IGSF1: variants seen among roughly 807,000 people sequenced by gnomAD.
The protein encoded by IGSF1 is immunoglobulin-like domain-containing protein 1.
A neutral mutation model predicts 95.3 loss-of-function variants in IGSF1; 40 were observed. The observed-to-expected ratio is 0.42, with a 90% CI of 0.33 to 0.55. The LOEUF (loss-of-function observed/expected upper bound fraction) is 0.55. Among genes scored for constraint, IGSF1 ranks in the 20% least tolerant of loss-of-function variants. The pLI is 0.10. For missense variants in IGSF1, 906 were observed against 1,025.4 expected, an observed-to-expected ratio of 0.88 and a Z score of 1.59; for synonymous variants, 372 against 382.9, an observed-to-expected ratio of 0.97 and a Z score of 0.33.
rs145132607 is a variant in IGSF1, at chrX:131,274,163, A to G, written c.3795T>C (p.Ser1265=). The G allele has an allele frequency of 3.7e-5, 45 of 1,209,601 alleles. No homozygotes were observed. The African/African-American group carries it at 5.4e-4, about 15-fold the overall frequency. ...CTACAACAACCACCACGATTAGGCT[A>G]CTTCGGACAATGTTCCCTACAGTGC... is the stretch of plus-strand genomic sequence containing the variant. ...QECTVGNIVR[S]SLIVVVVVAL... Residue 1265 remains serine, a synonymous_variant, in exon 19 of 20, where the codon AGT becomes AGC. Coordinates refer to ENST00000361420, the MANE Select transcript of IGSF1 (RefSeq NM_001555.5).
intron 9 of IGSF1, chrX:131,280,987 T>C: frequency 2.8e-6 from 1 of 360,433 alleles, no homozygotes; most frequent in Non-Finnish European, 5.0e-6. Context: ...GTGAATGCAG[T>C]TCTGATTACT....
intron 1 of IGSF1, among the ~76,000 whole-genome samples, chrX:131,287,983 G>A (rs1197267353): frequency 1.8e-5 from 2 of 111,857 alleles, no homozygotes; most frequent in Non-Finnish European, 3.8e-5. Context: ...GACTGACCTT[G>A]GACCTCAGCC....
chrX:131,279,258 C>A lies in IGSF1; in HGVS notation c.1717+13G>T, dbSNP rs201678332. On this transcript the variant is annotated intron_variant, in intron 10 of 19. Coordinates refer to ENST00000361420, the MANE Select transcript of IGSF1 (RefSeq NM_001555.5). ...GCCTTCTGCCCGGGGCCCCTTCCCC[C>A]ACTTGTACTCACCACAGCAGAGAAG... 17 of 1,208,379 alleles carry A rather than the reference C, an allele frequency of 1.4e-5. No homozygotes were observed. The highest frequency in any genetic ancestry group is 1.8e-5 in the Non-Finnish European group (16 of 893,900).
At chrX:131,276,862 CT>C in intron 14 of IGSF1, 76 bp downstream of exon 14, 1 of 996,208 alleles carries the variant, frequency 1.0e-6, no homozygotes, top group African/African-American at 1.9e-5. Context: ...AGAAACATTT[CT>C]TCCTCTCCCA....
At chrX:131,274,238 A>T in intron 18 of IGSF1, 32 bp from the exon 19 acceptor site, 1 of 1,209,077 alleles carries the variant, frequency 8.3e-7, no homozygotes, top group Middle Eastern at 2.3e-4. Flanking sequence ...AACCGAGGCC[A>T]TGGAGATTAG....
chrX:131,289,199 T>G lies in IGSF1; in HGVS notation c.-68+15A>C, dbSNP rs1165311507. 1 of 375,195 alleles carries G rather than the reference T, an allele frequency of 2.7e-6. No individual in the cohort carries two copies. The highest frequency in any genetic ancestry group is 2.3e-5 in the South Asian group (1 of 42,805). The allele number at this position is 375,195 out of a possible 1,213,427, so 30.9% of individuals were successfully genotyped here. A position where few individuals can be genotyped will look rare whatever the true frequency, so the allele number is the denominator to read the frequency against. ...ATTCAGCCACTGAACTATGCGCTCATTTGTAGGTACTTACGGTAGTTGAAG... is the reference window on the plus strand; with the variant it reads ...ATTCAGCCACTGAACTATGCGCTCAGTTGTAGGTACTTACGGTAGTTGAAG... On this transcript the variant is annotated intron_variant, in intron 1 of 19. Coordinates refer to ENST00000361420, the MANE Select transcript of IGSF1 (RefSeq NM_001555.5).
Position 131,275,693 on chromosome X carries a change from C to G in IGSF1, c.2969G>C (p.Trp990Ser). Residue 990 changes from tryptophan (W) to serine (S), a missense_variant, in exon 16 of 20, where the codon TGG becomes TCG. Trp to Ser is a radical substitution (Grantham distance 177). This residue lies in a region of IGSF1 where 411 missense variants were observed against 494.9 expected (regional missense o/e 0.83). Coordinates refer to ENST00000361420, the MANE Select transcript of IGSF1 (RefSeq NM_001555.5). ...TACTCCATGGACCGGCCCTCGGCAC[C>G]AGAGAGTAACATTCTGCCCCATGGG... ...VVPMGQNVTL[W>S]CRGPVHGVGY... 8.3e-7 allele frequency: 1 copy of G among 1,210,943 alleles called. No homozygotes were observed. The highest frequency in any genetic ancestry group is 1.8e-5 in the South Asian group (1 of 56,949).
chrX:131,283,327 T>C, intron 5 of IGSF1, 63 bp from the exon 6 acceptor site: 1 of 980,508 alleles, frequency 1.0e-6, no homozygotes, highest in Non-Finnish European at 1.4e-6. Context: ...TCTTCTGTTT[T>C]CTCTTTCTTA....
intron 16 of IGSF1, 48 bp downstream of exon 16, chrX:131,275,430 C>G (rs755924288): frequency 8.5e-7 from 1 of 1,173,330 alleles, no homozygotes; most frequent in East Asian, 3.0e-5. Flanking sequence ...CTAGTCTATT[C>G]CCTCCTTTCT....
At chrX:131,286,364 C>T in intron 3 of IGSF1, 73 bp downstream of exon 3, 1 of 924,750 alleles carries the variant, frequency 1.1e-6, no homozygotes, top group Middle Eastern at 2.7e-4. Flanking sequence ...GCATTATGTC[C>T]AAGGTCATGG....
intron 3 of IGSF1, 27 bp downstream of exon 3, chrX:131,286,410 G>A (rs762980595): frequency 2.6e-6 from 3 of 1,159,154 alleles, no homozygotes; most frequent in East Asian, 3.0e-5. Context: ...TAGGAAGGAG[G>A]TGCCTGAGAG....
At position 131,279,301 on chromosome X, in the gene IGSF1, G is replaced by A. The variant is rs1348743504; in HGVS notation, c.1687C>T (p.Leu563Phe). Residue 563 changes from leucine (L) to phenylalanine (F), a missense_variant, in exon 10 of 20, where the codon CTC becomes TTC. Physicochemically the swap from Leu to Phe is conservative, Grantham distance 22 (BLOSUM62 0). Around this residue, in one of 5 missense-constraint regions of IGSF1, gnomAD observed 442 missense variants for 448.1 expected, o/e 0.99. Transcript: ENST00000361420. The part of the protein sequence containing the change: ...LLGTAQGVTM[L>F]FIVTALLCCG... The stretch of plus-strand genomic sequence containing the variant: ...CAGAGAAGGGCCGTGACTATGAAGA[G>A]CATGGTGACCCCTTGAGCTGTTCCC... 1 of 1,211,153 alleles carries A rather than the reference G, an allele frequency of 8.3e-7. No homozygotes were observed. Among genetic ancestry groups the A allele is most frequent in the African/African-American group, 1.7e-5 (1 of 57,671 alleles).
In IGSF1 at chrX:131,282,743, A is replaced by T. The variant is rs1019280320; in HGVS notation, c.953-6T>A. On this transcript the variant is annotated splice_region_variant and splice_polypyrimidine_tract_variant and intron_variant, in intron 6 of 19. Transcript: ENST00000361420. ...CCAGGTCTTGGGGAAAGTGTCTAGG[A>T]TGAGACCCAGAATAAAAAGCACTAG... The T allele has an allele frequency of 5.9e-6, 7 of 1,187,087 alleles. No individual in the cohort carries two copies. The highest frequency in any genetic ancestry group is 7.9e-6 in the Non-Finnish European group (7 of 881,206).
intron 7 of IGSF1, 140 bp downstream of exon 7, chrX:131,282,304 C>A (rs1837794371): frequency 2.1e-6 from 1 of 465,792 alleles, no homozygotes; most frequent in Non-Finnish European, 3.5e-6. Flanking sequence ...CACCACCTTC[C>A]TAGTGCGTGT....
rs1309588455 is a variant in IGSF1 at position 131,274,168 on chromosome X, G to A, written c.3790C>T (p.Arg1264Ter). 3 of 1,211,243 alleles carry A rather than the reference G, an allele frequency of 2.5e-6. No individual in the cohort carries two copies. The highest frequency in any genetic ancestry group is 2.2e-6 in the Non-Finnish European group (2 of 895,101). The part of the protein sequence containing the change: ...AQECTVGNIV[R>*]SSLIVVVVVA... ...ACAACCACCACGATTAGGCTACTTC[G>A]GACAATGTTCCCTACAGTGCACTCC... The change falls in exon 19 of 20, where the codon CGA (arginine) becomes TGA (stop). Residue 1264 changes from arginine (R) to a stop codon, truncating the protein, a stop_gained. Transcript: ENST00000361420. LOFTEE classifies it high-confidence loss of function.
At position 131,274,818 on chromosome X, in the gene IGSF1, C is replaced by G. The variant is rs1249769905; in HGVS notation, c.3532G>C (p.Asp1178His). The change falls in exon 18 of 20, where the codon GAC (aspartate) becomes CAC (histidine). Residue 1178 changes from aspartate to histidine, a missense_variant. Transcript: ENST00000361420. Reference sequence around the variant, plus strand: ...GGTCCTCGGCACTGAAGGGTGATGTCCTTCCCTAACTTGAACATGGTGCTG... The same window carrying G: ...GGTCCTCGGCACTGAAGGGTGATGTGCTTCCCTAACTTGAACATGGTGCTG... ...WPSTMFKLGKDITLQCRGPLP... is the reference protein window; with the variant it reads ...WPSTMFKLGKHITLQCRGPLP... 1 of 1,209,788 alleles carries G rather than the reference C, an allele frequency of 8.3e-7. No homozygotes were observed. The highest frequency in any genetic ancestry group is 1.7e-5 in the African/African-American group (1 of 57,147).
intron 12 of IGSF1, 88 bp from the exon 13 acceptor site, chrX:131,278,222 ACATT>A (rs2080503165): frequency 1.0e-6 from 1 of 957,464 alleles, no homozygotes; most frequent in Non-Finnish European, 1.5e-6. Flanking sequence ...GCAAATAAAG[ACATT>A]CATTCTGGGC....
rs1358380900 is a variant in IGSF1 at position 131,282,516 on chromosome X, A to G, written c.1174T>C (p.Cys392Arg). ...GTCTTCCAGGTGAGAAGATAGTGGC[A>G]GCTATAGATGCCAGTATCACTGTAG... ...VTYSDTGIYSCHYLLTWKTSI... is the reference protein window; with the variant it reads ...VTYSDTGIYSRHYLLTWKTSI... Residue 392 changes from cysteine (C) to arginine (R), a missense_variant, in exon 7 of 20, where the codon TGC (cysteine) becomes CGC (arginine). Transcript: ENST00000361420. The G allele has an allele frequency of 8.3e-7, 1 of 1,205,518 alleles. No homozygotes were observed. The highest frequency in any genetic ancestry group is 2.2e-5 in the Admixed American group (1 of 46,094).
chrX:131,275,166 C>T lies in IGSF1; in HGVS notation c.3305G>A (p.Gly1102Glu). The change falls in exon 17 of 20, where the codon GGG (glycine) becomes GAG (glutamate). Residue 1102 changes from glycine to glutamate, a missense_variant. Physicochemically the swap from Gly to Glu is moderately conservative, Grantham distance 98. Around this residue, in one of 5 missense-constraint regions of IGSF1, gnomAD observed 411 missense variants for 494.9 expected, o/e 0.83. Transcript: ENST00000361420. ...CTGTTGCTCTAAAGGCTCCTGAGCC[C>T]CCTCCTTCAACAGGACAAATGTTGA... ...PDSTFVLLKE[G>E]AQEPLEQQRP... 8.3e-7 allele frequency: 1 copy of T among 1,211,808 alleles called. No homozygotes were observed. The highest frequency in any genetic ancestry group is 1.1e-6 in the Non-Finnish European group (1 of 895,432).
Sources: gnomAD v4.1 joint callset for allele counts (sites outside exome capture counted in the v4.1 genomes callset) on GRCh38, gnomAD v4.1.1 for gene constraint, gnomAD v4.1.1 regional missense constraint, MANE v1.5 for transcripts, NCBI Gene and HGNC (gene_info 2026-07-23, HGNC 2026-07-21) for gene names.